STX8: variants seen among roughly 807,000 people sequenced by gnomAD.
STX8 encodes the protein syntaxin-8.
A neutral mutation model predicts 37.5 loss-of-function variants in STX8; 23 were observed. The observed-to-expected ratio is 0.61, with a 90% CI of 0.44 to 0.87. The LOEUF is 0.87. STX8 is among the 40% of genes least tolerant of loss of function. The pLI, the probability that STX8 is intolerant of heterozygous loss-of-function variation, is 0.00. For missense variants in STX8, 313 were observed against 284.7 expected, an observed-to-expected ratio of 1.10 and a Z score of -0.71; for synonymous variants, 115 against 99.1, an observed-to-expected ratio of 1.16 and a Z score of -0.95.
At chr17:9,493,959 T>C (rs2142480562) in intron 5 of STX8, among the ~76,000 whole-genome samples, 1 of 151,856 alleles carries the variant, frequency 6.6e-6, no homozygotes, top group East Asian at 2.0e-4. Flanking sequence ...ATTGTTTATC[T>C]ATATTTTGAT....
intron 7 of STX8, among the ~76,000 whole-genome samples, chr17:9,279,413 C>T (rs776696504): frequency 2.6e-4 from 39 of 152,234 alleles, no homozygotes; most frequent in African/African-American, 3.6e-4. Flanking sequence ...ATGAACCTGA[C>T]GCTCAGAAGC....
intron 7 of STX8, among the ~76,000 whole-genome samples, chr17:9,285,544 A>G (rs1311273830): frequency 6.6e-6 from 1 of 152,222 alleles, no homozygotes; most frequent in Non-Finnish European, 1.5e-5. Context: ...GCCGGCCTCC[A>G]GAAGCCAGGG....
chr17:9,393,677 A>G (rs761746381), intron 6 of STX8, among the ~76,000 whole-genome samples: 2 of 152,218 alleles, frequency 1.3e-5, no homozygotes, highest in Non-Finnish European at 2.9e-5. Context: ...AAAACAATCT[A>G]TACAAAAAGC....
At chr17:9,392,878 A>G (rs1273287255) in intron 6 of STX8, among the ~76,000 whole-genome samples, 2 of 152,194 alleles carry the variant, frequency 1.3e-5, no homozygotes, top group African/African-American at 4.8e-5. Flanking sequence ...AAAGTCAAAC[A>G]TTCATGCCAC....
At chr17:9,530,082 C>T (rs185309033) in intron 4 of STX8, among the ~76,000 whole-genome samples, 2 of 151,994 alleles carry the variant, frequency 1.3e-5, no homozygotes, top group Non-Finnish European at 2.9e-5. Context: ...CTAAGGCGGG[C>T]GGTTCATGAG....
At chr17:9,454,780 C>A (rs545772054) in intron 6 of STX8, among the ~76,000 whole-genome samples, 16 of 151,908 alleles carry the variant, frequency 1.1e-4, no homozygotes, top group African/African-American at 3.6e-4. Flanking sequence ...CCACAGAAAG[C>A]GAAACCACAT....
At chr17:9,517,171 C>G (rs373277079) in intron 4 of STX8, among the ~76,000 whole-genome samples, 4 of 152,128 alleles carry the variant, frequency 2.6e-5, no homozygotes, top group African/African-American at 9.7e-5. Flanking sequence ...CCCACTCCTC[C>G]TTATCTTGCT....
At chr17:9,545,423 C>A (rs527633828) in intron 3 of STX8, 141 bp from the exon 4 acceptor site, 2 of 617,890 alleles carry the variant, frequency 3.2e-6, no homozygotes, top group Non-Finnish European at 5.6e-6. Flanking sequence ...ACCACTCTTG[C>A]GTTTTTCCTG....
intron 4 of STX8, among the ~76,000 whole-genome samples, chr17:9,520,870 T>C (rs1460413604): frequency 6.6e-6 from 1 of 152,184 alleles, no homozygotes; most frequent in Non-Finnish European, 1.5e-5. Flanking sequence ...CTATATAAAA[T>C]GTTTGTTTTG....
At chr17:9,254,770 G>T (rs1356916426) in intron 7 of STX8, among the ~76,000 whole-genome samples, 1 of 152,138 alleles carries the variant, frequency 6.6e-6, no homozygotes, top group African/African-American at 2.4e-5. Context: ...GGGACTGTGG[G>T]TTCTCGTTCA....
In STX8 at chr17:9,294,446, G is replaced by A. The variant is rs77171548; in HGVS notation, c.644-43801C>T. Among the ~76,000 whole-genome samples the A allele has an allele frequency of 6.5e-3, 984 of 152,334 alleles. 9 individuals are homozygous for A. The highest frequency in any genetic ancestry group is 0.02 in the African/African-American group (815 of 41,570). Reference sequence around the variant, plus strand: ...GAAGGCAACTGTTGCTTCTCCATCAGGATCAGCTCTGAGTGAGGGTGGAAC... The same window carrying A: ...GAAGGCAACTGTTGCTTCTCCATCAAGATCAGCTCTGAGTGAGGGTGGAAC... On this transcript the variant is annotated intron_variant, in intron 7 of 7. Coordinates refer to ENST00000306357, the MANE Select transcript of STX8 (RefSeq NM_004853.3).
chr17:9,570,701 G>A (rs1907657418), intron 1 of STX8, among the ~76,000 whole-genome samples: 1 of 152,048 alleles, frequency 6.6e-6, no homozygotes, highest in East Asian at 1.9e-4. Context: ...GAGGAGCCTA[G>A]GTCTGGCTCT....
intron 4 of STX8, among the ~76,000 whole-genome samples, chr17:9,515,568 G>A (rs1318815504): frequency 6.6e-6 from 1 of 152,038 alleles, no homozygotes; most frequent in East Asian, 1.9e-4. Context: ...TGTCACCCAG[G>A]CGGGAGTGCA....
rs1265334368 is a variant in STX8, at chr17:9,400,292, C to T, written c.542-21639G>A. 1.2e-4 allele frequency among the ~76,000 whole-genome samples: 18 copies of T among 151,618 alleles called. No homozygotes were observed. The East Asian group carries it at 2.1e-3, about 18-fold the overall frequency. On this transcript the variant is annotated intron_variant, in intron 6 of 7. Transcript: ENST00000306357. ...TAATTTTTTGTATTTTTAATAGAGACGGGATTCACCGTGTTAGCCAGGATG... is the reference window on the plus strand; with the variant it reads ...TAATTTTTTGTATTTTTAATAGAGATGGGATTCACCGTGTTAGCCAGGATG...
intron 7 of STX8, among the ~76,000 whole-genome samples, chr17:9,279,054 G>GTTTTT: frequency 9.5e-6 from 1 of 105,648 alleles, no homozygotes; most frequent in Non-Finnish European, 2.0e-5. Flanking sequence ...CTGTGTGTGT[G>GTTTTT]TTTTTTGTTT....
intron 6 of STX8, among the ~76,000 whole-genome samples, chr17:9,417,288 C>T (rs1325077685): frequency 6.6e-6 from 1 of 152,082 alleles, no homozygotes; most frequent in Non-Finnish European, 1.5e-5. Context: ...AGAGTTAGGG[C>T]CAAAGCTTTA....
intron 7 of STX8, among the ~76,000 whole-genome samples, chr17:9,311,750 A>C (rs926055347): frequency 6.6e-6 from 1 of 152,168 alleles, no homozygotes; most frequent in Non-Finnish European, 1.5e-5. Flanking sequence ...ATCTCATTGG[A>C]TGGTTGTGAG....
At chr17:9,253,992 G>C (rs932516153) in intron 7 of STX8, among the ~76,000 whole-genome samples, 15 of 152,170 alleles carry the variant, frequency 9.9e-5, no homozygotes, top group Non-Finnish European at 2.1e-4. Flanking sequence ...CCTGCAGTGA[G>C]GGACTGCTTT....
At chr17:9,433,502 A>G (rs1914046895) in intron 6 of STX8, among the ~76,000 whole-genome samples, 1 of 152,148 alleles carries the variant, frequency 6.6e-6, no homozygotes, top group African/African-American at 2.4e-5. Context: ...AAAACTACCT[A>G]TTGGCCCTAC....
Sources: allele counts gnomAD v4.1 joint callset (sites outside exome capture counted in the v4.1 genomes callset), GRCh38; gene constraint gnomAD v4.1.1; transcripts MANE v1.5; gene names NCBI Gene and HGNC (gene_info 2026-07-23, HGNC 2026-07-21).